The following MCM9 variants were observed in gnomAD, a reference collection of about 807,000 sequenced individuals.
MCM9 encodes DNA helicase MCM9.
MCM9 carries 55 observed loss-of-function variants against 72.8 expected under a neutral mutation model. The observed-to-expected ratio is 0.76, with a 90% CI of 0.61 to 0.95. The LOEUF (loss-of-function observed/expected upper bound fraction) is 0.95. Ranked by LOEUF, MCM9 falls within the 40% of genes least tolerant of loss-of-function variation. MCM9 has a pLI of 0.00. For synonymous variants in MCM9, 480 were observed against 503.4 expected, an observed-to-expected ratio of 0.95 and a Z score of 0.62; for missense variants, 1,279 against 1,377.0, an observed-to-expected ratio of 0.93 and a Z score of 1.13.
chr6:118,927,322 G>A (rs1315807668), intron 3 of MCM9, among the ~76,000 whole-genome samples: 1 of 152,160 alleles, frequency 6.6e-6, no homozygotes, highest in Non-Finnish European at 1.5e-5. Context: ...TTGGATTTTT[G>A]GCTGGACGTG....
chr6:118,930,614 A>G (rs919119817), intron 3 of MCM9, among the ~76,000 whole-genome samples: 5 of 152,204 alleles, frequency 3.3e-5, no homozygotes, highest in Non-Finnish European at 5.9e-5. Context: ...GGGACTCTAG[A>G]AGTGGTTTGC....
At chr6:118,900,686 TG>T in intron 8 of MCM9, 1 of 994,548 alleles carries the variant, frequency 1.0e-6, no homozygotes, top group Non-Finnish European at 1.6e-6. Flanking sequence ...AGTGGCTAAG[TG>T]GACATTAAAA....
chr6:118,833,247 C>T (rs998669171), intron 9 of MCM9, among the ~76,000 whole-genome samples: 10 of 152,042 alleles, frequency 6.6e-5, no homozygotes, highest in African/African-American at 2.4e-4. Flanking sequence ...AAAAAACTGA[C>T]CAATCTTCAA....
chr6:118,874,395 C>CA (rs899721873), intron 8 of MCM9, among the ~76,000 whole-genome samples: 1 of 152,110 alleles, frequency 6.6e-6, no homozygotes, highest in Middle Eastern at 3.2e-3. Flanking sequence ...AACAACAACA[C>CA]AAAAAACTCT....
Position 118,826,252 on chromosome 6 carries a change from G to C in MCM9, c.1856C>G (p.Ser619Cys). 6.4e-7 allele frequency: 1 copy of C among 1,550,452 alleles called. No homozygotes were observed. Among genetic ancestry groups the C allele is most frequent in the Non-Finnish European group, 8.7e-7 (1 of 1,146,936 alleles). ...LLGGVNALHT[S>C]FPENPGEQYQ... is the part of the protein sequence containing the mutation. The stretch of plus-strand genomic sequence containing the variant: ...CTGCTCTCCAGGGTTTTCAGGAAAG[G>C]AAGTGTGGAGGGCATTCACACCTCC... Residue 619 changes from serine to cysteine, a missense_variant, in exon 13 of 14, where the codon TCC (serine) becomes TGC (cysteine). Coordinates refer to ENST00000619706, the MANE Select transcript of MCM9 (RefSeq NM_017696.3).
At chr6:118,914,741 G>C (rs1329398095) in intron 6 of MCM9, among the ~76,000 whole-genome samples, 1 of 152,128 alleles carries the variant, frequency 6.6e-6, no homozygotes, top group Non-Finnish European at 1.5e-5. Flanking sequence ...AAATTGATCT[G>C]GGAATTACAT....
chr6:118,908,033 G>T, intron 8 of MCM9: 1 of 154,840 alleles, frequency 6.5e-6, no homozygotes, highest in Non-Finnish European at 1.4e-5. Flanking sequence ...GAAGACATAT[G>T]GTATCATTTT....
rs146715324 is a variant in MCM9 at position 118,891,142 on chromosome 6, A to G, written c.1150+20508T>C. On this transcript the variant is annotated intron_variant, in intron 8 of 13. Transcript: ENST00000619706. Reference sequence around the variant, plus strand: ...TGTAGAGGAGTCTTGAATCCATGCAAGTAAGCTGCATCTTGTGTCTTCAGA... The same window carrying G: ...TGTAGAGGAGTCTTGAATCCATGCAGGTAAGCTGCATCTTGTGTCTTCAGA... 4.0e-3 allele frequency among the ~76,000 whole-genome samples: 611 copies of G among 152,302 alleles called. 11 individuals carry two copies. Among genetic ancestry groups the G allele is most frequent in the Non-Finnish European group, 3.0e-3 (205 of 68,028 alleles).
chr6:118,816,092 G>T lies in MCM9; in HGVS notation c.2164C>A (p.Pro722Thr). The T allele has an allele frequency of 6.5e-7, 1 of 1,550,216 alleles. No homozygotes were observed. Among genetic ancestry groups the T allele is most frequent in the East Asian group, 2.4e-5 (1 of 40,908 alleles). ...TGTTTCCTACTTGTTGATCTATTAGGCTCCAGATGCGGTGGGGGATCTAGA... is the reference window on the plus strand; with the variant it reads ...TGTTTCCTACTTGTTGATCTATTAGTCTCCAGATGCGGTGGGGGATCTAGA... ...PVLDPPPHLE[P>T]NRSTSRKHSA... Residue 722 changes from proline (P) to threonine (T), a missense_variant, in exon 14 of 14, where the codon CCT becomes ACT. Physicochemically the swap from Pro to Thr is conservative, Grantham distance 38 (BLOSUM62 -1). Coordinates refer to ENST00000619706, the MANE Select transcript of MCM9 (RefSeq NM_017696.3).
chr6:118,880,053 A>AC (rs915944640), intron 8 of MCM9, among the ~76,000 whole-genome samples: 5 of 147,724 alleles, frequency 3.4e-5, no homozygotes, highest in African/African-American at 1.3e-4. Context: ...AACAACAACA[A>AC]AAAAAAAACA....
At chr6:118,855,200 A>G (rs1007097189) in intron 9 of MCM9, among the ~76,000 whole-genome samples, 4 of 152,256 alleles carry the variant, frequency 2.6e-5, no homozygotes, top group Non-Finnish European at 4.4e-5. Context: ...AAAAGAAACC[A>G]GCCTCTGAAG....
At chr6:118,879,091 A>C (rs1778121334) in intron 8 of MCM9, among the ~76,000 whole-genome samples, 1 of 152,168 alleles carries the variant, frequency 6.6e-6, no homozygotes, top group South Asian at 2.1e-4. Flanking sequence ...ATACAAAAGA[A>C]GGCAGAAATG....
chr6:118,821,649 T>C (rs990516114), intron 13 of MCM9, among the ~76,000 whole-genome samples: 1 of 152,204 alleles, frequency 6.6e-6, no homozygotes, highest in Admixed American at 6.5e-5. Context: ...CTGTATTTCC[T>C]GAATTTGAAT....
chr6:118,826,834 AC>A lies in MCM9; in HGVS notation c.1762del (p.Val588Ter). ...CACCGTAATAGCGTCTTCCAGAGTT[AC>A]AGTATCACGAAACATCAGGCGAGCA... ...AHARLMFRDT[V>X]TLEDAITVVS... On this transcript the variant is annotated frameshift_variant, in exon 12 of 14. Coordinates refer to ENST00000619706, the MANE Select transcript of MCM9 (RefSeq NM_017696.3). LOFTEE classifies it high-confidence loss of function. 3.9e-6 allele frequency: 6 copies of A among 1,550,500 alleles called. No individual in the cohort carries two copies. The highest frequency in any genetic ancestry group is 5.2e-6 in the Non-Finnish European group (6 of 1,146,946).
At chr6:118,894,200 A>C in intron 8 of MCM9, 1 of 1,378,042 alleles carries the variant, frequency 7.3e-7, no homozygotes, top group South Asian at 1.7e-5. Context: ...TTATCAGAGC[A>C]GAATGGGCTG....
intron 5 of MCM9, chr6:118,919,351 T>C (rs553987223): frequency 2.3e-4 from 35 of 152,338 alleles, no homozygotes; most frequent in African/African-American, 8.2e-4. Flanking sequence ...GCAAATTACC[T>C]ACCTTTCCTA....
chr6:118,838,579 C>A (rs1468996360), intron 9 of MCM9, among the ~76,000 whole-genome samples: 1 of 152,110 alleles, frequency 6.6e-6, no homozygotes, highest in East Asian at 1.9e-4. Flanking sequence ...CACCCGCCAC[C>A]ACACCTGGCT....
intron 13 of MCM9, among the ~76,000 whole-genome samples, chr6:118,825,018 T>C (rs944678482): frequency 6.6e-6 from 1 of 152,254 alleles, no homozygotes; most frequent in Admixed American, 6.5e-5. Context: ...GGAAGTCTAA[T>C]TGCCATCTTT....
At chr6:118,894,605 C>A (rs936776746) in intron 8 of MCM9, 6 of 1,169,156 alleles carry the variant, frequency 5.1e-6, no homozygotes, top group Non-Finnish European at 6.1e-6. Context: ...TCGCGCTGGG[C>A]GGCTGTGTTC....
Sources: allele counts gnomAD v4.1 joint callset (sites outside exome capture counted in the v4.1 genomes callset), GRCh38; gene constraint gnomAD v4.1.1; transcripts MANE v1.5; gene names NCBI Gene and HGNC (gene_info 2026-07-23, HGNC 2026-07-21).